DOCK10: variants seen among roughly 807,000 people sequenced by gnomAD.
The protein encoded by DOCK10 is dedicator of cytokinesis protein 10.
A neutral mutation model predicts 280.1 loss-of-function variants in DOCK10; 145 were observed. The observed-to-expected ratio is 0.52, with a 90% CI of 0.45 to 0.59. The LOEUF (loss-of-function observed/expected upper bound fraction) is 0.59, where lower values mean the gene tolerates loss of function less well. Among genes scored for constraint, DOCK10 ranks in the 20% least tolerant of loss-of-function variants. DOCK10 has a pLI of 0.00. For synonymous variants in DOCK10, 915 were observed against 942.2 expected (o/e 0.97, Z 0.53); for missense variants, 2,368 against 2,651.7 (o/e 0.89, Z 2.35).
intron 15 of DOCK10, among the ~76,000 whole-genome samples, chr2:224,855,363 G>A (rs574761383): frequency 6.6e-6 from 1 of 152,300 alleles, no homozygotes; most frequent in South Asian, 2.1e-4. Flanking sequence ...AAATTATAGA[G>A]TTTTTATTAA....
At chr2:224,916,832 C>G in intron 2 of DOCK10, 48 bp from the exon 3 acceptor site, 3 of 1,431,444 alleles carry the variant, frequency 2.1e-6, no homozygotes, top group East Asian at 4.7e-5. Flanking sequence ...TTAGAAGTGT[C>G]GAGCAGACCA....
rs531716633 is a variant in DOCK10 at position 224,864,862 on chromosome 2, C to A, written c.1479+4G>T. On this transcript the variant is annotated splice_donor_region_variant and intron_variant, in intron 12 of 55. Transcript: ENST00000258390. Reference sequence around the variant, plus strand: ...CATCTCATCACAAGTAAACAAAGTGCCACCTGCTTTGGAAATTTTAGCCAT... The same window carrying A: ...CATCTCATCACAAGTAAACAAAGTGACACCTGCTTTGGAAATTTTAGCCAT... 1.5e-5 allele frequency: 24 copies of A among 1,613,706 alleles called. No homozygotes were observed. The highest frequency in any genetic ancestry group is 1.9e-5 in the Non-Finnish European group (23 of 1,179,820).
At chr2:224,827,791 T>C (rs910805031) in intron 27 of DOCK10, among the ~76,000 whole-genome samples, 11 of 151,978 alleles carry the variant, frequency 7.2e-5, no homozygotes, top group African/African-American at 2.4e-4. Flanking sequence ...AAAGCAAAAA[T>C]AGGATTTGCG....
intron 51 of DOCK10, among the ~76,000 whole-genome samples, chr2:224,775,833 G>T (rs1455423783): frequency 6.6e-6 from 1 of 152,162 alleles, no homozygotes; most frequent in Non-Finnish European, 1.5e-5. Context: ...ATATCTTTTG[G>T]TCCCTCTATG....
chr2:224,881,931 G>A (rs1039546922), intron 7 of DOCK10, among the ~76,000 whole-genome samples: 1 of 152,166 alleles, frequency 6.6e-6, no homozygotes, highest in Non-Finnish European at 1.5e-5. Context: ...CTCTCTTCAT[G>A]CATGCAGGGG....
At chr2:224,774,504 T>A (rs1191768248) in intron 52 of DOCK10, among the ~76,000 whole-genome samples, 1 of 152,194 alleles carries the variant, frequency 6.6e-6, no homozygotes, top group Non-Finnish European at 1.5e-5. Context: ...TCTGCATTCG[T>A]TTTACAGATG....
In DOCK10 at chr2:224,795,108, A is replaced by C. The variant is rs757725433; in HGVS notation, c.4939-14T>G. On this transcript the variant is annotated splice_polypyrimidine_tract_variant and intron_variant, in intron 44 of 55. Transcript: ENST00000258390. ...GAAATTGCTGTTCTTTGGAAAAGAGAGAGCCTGGGTCATTATCTGTTTAGA... is the reference window on the plus strand; with the variant it reads ...GAAATTGCTGTTCTTTGGAAAAGAGCGAGCCTGGGTCATTATCTGTTTAGA... The C allele has an allele frequency of 6.2e-6, 10 of 1,610,700 alleles. No individual in the cohort carries two copies. Among genetic ancestry groups the C allele is most frequent in the Non-Finnish European group, 8.5e-6 (10 of 1,177,192 alleles).
At chr2:224,949,610 C>T (rs2126115538) in intron 1 of DOCK10, among the ~76,000 whole-genome samples, 1 of 152,210 alleles carries the variant, frequency 6.6e-6, no homozygotes, top group Middle Eastern at 3.4e-3. Flanking sequence ...AGGAAAGCAT[C>T]CTGCTGGAAA....
At chr2:225,020,142 T>A (rs988586973) in intron 1 of DOCK10, among the ~76,000 whole-genome samples, 7 of 152,224 alleles carry the variant, frequency 4.6e-5, no homozygotes, top group Admixed American at 2.0e-4. Context: ...TCTAGAACAC[T>A]CACATTAGTA....
chr2:224,843,454 G>C (rs1422092991), intron 22 of DOCK10, among the ~76,000 whole-genome samples: 1 of 152,148 alleles, frequency 6.6e-6, no homozygotes, highest in Non-Finnish European at 1.5e-5. Flanking sequence ...GTGTTTTGTG[G>C]AACTTGACCA....
chr2:225,009,970 G>A lies in DOCK10; in HGVS notation c.123+32282C>T, dbSNP rs181139377. On this transcript the variant is annotated intron_variant, in intron 1 of 55. Transcript: ENST00000258390. Reference sequence around the variant, plus strand: ...AGTAACAAACTGCCCCAAACACTCAGGGGCATAGAAAAAAATGCAGCCATT... The same window carrying A: ...AGTAACAAACTGCCCCAAACACTCAAGGGCATAGAAAAAAATGCAGCCATT... Among the ~76,000 whole-genome samples, 242 of 152,220 alleles carry A rather than the reference G, an allele frequency of 1.6e-3. 1 individual carries two copies. The highest frequency in any genetic ancestry group is 5.5e-3 in the African/African-American group (229 of 41,538).
intron 55 of DOCK10, 56 bp from the exon 56 acceptor site, chr2:224,765,893 C>A (rs749079497): frequency 7.4e-7 from 1 of 1,344,342 alleles, no homozygotes; most frequent in South Asian, 1.3e-5. Context: ...GTTAATATCC[C>A]AAACACAAAA....
intron 1 of DOCK10, among the ~76,000 whole-genome samples, chr2:224,981,069 G>A (rs544725754): frequency 1.3e-5 from 2 of 152,144 alleles, no homozygotes; most frequent in South Asian, 4.1e-4. Context: ...ATTAACAAGA[G>A]TTAAACTTGG....
chr2:224,922,578 G>C (rs555572566), intron 2 of DOCK10, among the ~76,000 whole-genome samples: 2 of 152,180 alleles, frequency 1.3e-5, no homozygotes, highest in Non-Finnish European at 2.9e-5. Flanking sequence ...TCAGGTCCAT[G>C]AGATTCAGAC....
chr2:224,980,113 G>A (rs1437011297), intron 1 of DOCK10, among the ~76,000 whole-genome samples: 1 of 152,138 alleles, frequency 6.6e-6, no homozygotes, highest in Non-Finnish European at 1.5e-5. Context: ...GGAGGAGAAG[G>A]GGTGGACAGT....
At chr2:224,923,390 CAT>C (rs1326006313) in intron 2 of DOCK10, among the ~76,000 whole-genome samples, 1 of 152,210 alleles carries the variant, frequency 6.6e-6, no homozygotes, top group Non-Finnish European at 1.5e-5. Context: ...GGCTCCAAAA[CAT>C]GTCTCATCTC....
chr2:224,996,000 A>T (rs372447473), intron 1 of DOCK10, among the ~76,000 whole-genome samples: 36 of 152,336 alleles, frequency 2.4e-4, no homozygotes, highest in African/African-American at 7.9e-4. Flanking sequence ...CTTGGAACTG[A>T]CTATGGGGTA....
chr2:224,905,506 C>T (rs989736886), intron 3 of DOCK10, among the ~76,000 whole-genome samples: 23 of 151,980 alleles, frequency 1.5e-4, no homozygotes, highest in Non-Finnish European at 3.1e-4. Flanking sequence ...GCCTCGGCCT[C>T]CCAAAGTGCT....
At chr2:225,014,081 A>ATATATATATATATATTTTT (rs776104946) in intron 1 of DOCK10, among the ~76,000 whole-genome samples, 22 of 96,814 alleles carry the variant, frequency 2.3e-4, no homozygotes, top group South Asian at 1.1e-3. Context: ...GTCTGAATAT[A>ATATATATATATATATTTTT]TTGTTTTTTT....
Sources: gnomAD v4.1 joint callset for allele counts (sites outside exome capture counted in the v4.1 genomes callset) on GRCh38, gnomAD v4.1.1 for gene constraint, MANE v1.5 for transcripts, NCBI Gene and HGNC (gene_info 2026-07-23, HGNC 2026-07-21) for gene names.